The following DNAH2 variants were observed in gnomAD, a reference collection of about 807,000 sequenced individuals.
DNAH2 encodes axonemal beta dynein heavy chain 2.
A neutral mutation model predicts 523.5 loss-of-function variants in DNAH2; 323 were observed. The ratio of observed to expected loss-of-function variants is 0.62; its 90% CI spans 0.56 to 0.68. The LOEUF is 0.68. DNAH2 is among the 30% of genes least tolerant of loss of function. The probability of loss-of-function intolerance (pLI) is 0.00; values close to 1 mark genes in which losing one functional copy is unlikely to be tolerated. For missense variants in DNAH2, 4,907 were observed against 5,701.5 expected, an observed-to-expected ratio of 0.86 and a Z score of 4.49; for synonymous variants, 2,093 against 2,177.4, an observed-to-expected ratio of 0.96 and a Z score of 1.08.
At chr17:7,792,508 G>A in intron 46 of DNAH2, 149 bp from the exon 47 acceptor site, 2 of 965,442 alleles carry the variant, frequency 2.1e-6, no homozygotes, top group Non-Finnish European at 3.1e-6. Context: ...GAGGGCTTGG[G>A]ACAGGGTCTC....
Position 7,759,798 on chromosome 17 carries a change from T to TC in DNAH2, c.2646dup (p.Ser883LeufsTer13). 6.2e-7 allele frequency: 1 copy of TC among 1,614,150 alleles called. No homozygotes were observed. On this transcript the variant is annotated frameshift_variant, in exon 17 of 86. Transcript: ENST00000572933. LOFTEE classifies it high-confidence loss of function. ...CCACTGGGTTCCTCACAGGTGGAAT[T>TC]CTCACCCACTCTGCAGACTTTGGCA... is the stretch of plus-strand genomic sequence containing the variant.
chr17:7,801,727 C>A lies in DNAH2; in HGVS notation c.8832+17C>A. On this transcript the variant is annotated intron_variant, in intron 57 of 85. Transcript: ENST00000572933. ...CAGGAGAATGTGAGCCCCTCCTCCC[C>A]ACCTCTCATTGCATCCCTGGCCTCC... 1 of 1,613,722 alleles carries A rather than the reference C, an allele frequency of 6.2e-7. No homozygotes were observed. The highest frequency in any genetic ancestry group is 8.5e-7 in the Non-Finnish European group (1 of 1,179,906).
In DNAH2 at chr17:7,786,434, G is replaced by C. The variant is rs533791989; in HGVS notation, c.6348+92G>C. The C allele has an allele frequency of 6.7e-7, 1 of 1,500,720 alleles. No individual in the cohort carries two copies. Among genetic ancestry groups the C allele is most frequent in the African/African-American group, 1.4e-5 (1 of 72,866 alleles). 93.0% of individuals were successfully genotyped at this position (1,500,720 alleles called of 1,614,324 possible). A position where few individuals can be genotyped will look rare whatever the true frequency, so the allele number is the denominator to read the frequency against. The stretch of plus-strand genomic sequence containing the variant: ...GGGCCAGGGAGGACCTTGCAAGGCC[G>C]GGAGAGCTGTACCTGGGACCATGGT... On this transcript the variant is annotated intron_variant, in intron 40 of 85. Coordinates refer to ENST00000572933, the MANE Select transcript of DNAH2 (RefSeq NM_020877.5). This position sits in a 1 kb window ranked among gnomAD's most constrained non-coding sequence, Gnocchi z 7.5.
chr17:7,768,556 G>A (rs1248579573), intron 24 of DNAH2, among the ~76,000 whole-genome samples: 2 of 152,130 alleles, frequency 1.3e-5, no homozygotes, highest in East Asian at 1.9e-4. Context: ...TTTTTGTAGT[G>A]AGAGTACTGA....
At chr17:7,774,211 C>T (rs148491182) in intron 28 of DNAH2, among the ~76,000 whole-genome samples, 423 of 152,292 alleles carry the variant, frequency 2.8e-3, no homozygotes, top group African/African-American at 8.9e-3. Context: ...GTCACTTGAA[C>T]ACAGGCACTG....
chr17:7,731,122 A>G (rs1359654550), intron 4 of DNAH2, among the ~76,000 whole-genome samples: 4 of 137,614 alleles, frequency 2.9e-5, no homozygotes, highest in African/African-American at 5.6e-5. Context: ...TGTCTCAGAT[A>G]AATAAATAAA....
At position 7,798,383 on chromosome 17, in the gene DNAH2, T is replaced by C; in HGVS notation, c.8398+59T>C. 6.4e-7 allele frequency: 1 copy of C among 1,561,160 alleles called. No individual in the cohort carries two copies. Among genetic ancestry groups the C allele is most frequent in the Non-Finnish European group, 8.7e-7 (1 of 1,151,828 alleles). ...AGATCAGATGCATACATTCCTGCAGTGACAAGAGAGGAGAGATGGCAGCCA... is the reference window on the plus strand; with the variant it reads ...AGATCAGATGCATACATTCCTGCAGCGACAAGAGAGGAGAGATGGCAGCCA... On this transcript the variant is annotated intron_variant, in intron 54 of 85. Coordinates refer to ENST00000572933, the MANE Select transcript of DNAH2 (RefSeq NM_020877.5). The surrounding 1 kb of genome is among the most constrained non-coding windows in gnomAD (Gnocchi z 5.5).
rs766750839 is a variant in DNAH2, at chr17:7,819,197, C to T, written c.10816-12C>T. 3.1e-6 allele frequency: 5 copies of T among 1,612,820 alleles called. No homozygotes were observed. The South Asian group carries it at 3.3e-5, about 11-fold the overall frequency. On this transcript the variant is annotated splice_polypyrimidine_tract_variant and intron_variant, in intron 71 of 85. Transcript: ENST00000572933. The stretch of plus-strand genomic sequence containing the variant: ...CCTCAGTGGCCCTGACTCCACCCAT[C>T]CCCACCGGCAGGCTTACCGCCCATG...
At chr17:7,779,126 C>G in intron 35 of DNAH2, 117 bp from the exon 36 acceptor site, 2 of 1,226,982 alleles carry the variant, frequency 1.6e-6, no homozygotes, top group Non-Finnish European at 2.3e-6. Flanking sequence ...CCTCCCTGCC[C>G]CCTAGTCTGG....
Position 7,818,188 on chromosome 17 carries a change from T to C in DNAH2, c.10387+92T>C, listed in dbSNP as rs540261018. ...TGTCCTCTTCTTACCTGTCCCTCCA[T>C]TCAGACAGCCCTGGCCTGGGGCCTT... On this transcript the variant is annotated intron_variant, in intron 68 of 85. Coordinates refer to ENST00000572933, the MANE Select transcript of DNAH2 (RefSeq NM_020877.5). 1.3e-6 allele frequency: 2 copies of C among 1,596,900 alleles called. 1 individual carries two copies. The highest frequency in any genetic ancestry group is 3.4e-5 in the Admixed American group (2 of 59,472).
chr17:7,781,302 C>T, intron 39 of DNAH2, 135 bp downstream of exon 39: 1 of 1,005,328 alleles, frequency 9.9e-7, no homozygotes, highest in South Asian at 1.4e-5. Context: ...TGGTGAAACC[C>T]TGTATCTACA....
intron 12 of DNAH2, among the ~76,000 whole-genome samples, chr17:7,752,462 G>A (rs2075713656): frequency 3.9e-5 from 6 of 152,148 alleles, no homozygotes; most frequent in Admixed American, 3.9e-4. Context: ...TGTAATCCCA[G>A]CACTTTGGGA....
intron 13 of DNAH2, among the ~76,000 whole-genome samples, chr17:7,757,837 G>T (rs2075887389): frequency 6.6e-6 from 1 of 152,216 alleles, no homozygotes; most frequent in Non-Finnish European, 1.5e-5. Flanking sequence ...CTATCTTCTT[G>T]CTCTGTCCTC....
At chr17:7,744,271 G>T (rs1320199364) in intron 12 of DNAH2, among the ~76,000 whole-genome samples, 1 of 147,304 alleles carries the variant, frequency 6.8e-6, no homozygotes, top group East Asian at 2.0e-4. Context: ...TCCAGCCTGG[G>T]CGACAGAGTG....
At position 7,807,646 on chromosome 17, in the gene DNAH2, A is replaced by C. The variant is rs559427372; in HGVS notation, c.9729+60A>C. 2.0e-4 allele frequency: 284 copies of C among 1,452,838 alleles called. No individual in the cohort carries two copies. The African/African-American group carries it at 3.0e-3, about 15-fold the overall frequency. 90.0% of individuals were successfully genotyped at this position (1,452,838 alleles called of 1,614,324 possible). On this transcript the variant is annotated intron_variant, in intron 63 of 85. Transcript: ENST00000572933. The surrounding 1 kb of genome is among the most constrained non-coding windows in gnomAD (Gnocchi z 5.6). ...CTCTCCCTGAGTTCTGGATTGCTTC[A>C]TTAAGCATTTGTTTTCCCCCATCTA...
Position 7,804,289 on chromosome 17 carries a change from C to A in DNAH2, c.9006C>A (p.Ala3002=). The change falls in exon 59 of 86, where the codon GCC becomes GCA. Residue 3002 remains alanine (A), a synonymous_variant. Transcript: ENST00000572933. ...LLGEKRQELL[A]QANKLRTGLF... is the part of the protein sequence containing the mutation. ...GAGAAAAACGGCAGGAGCTGCTGGC[C>A]CAAGCCAATAAACTGCGGACAGGCT... is the stretch of plus-strand genomic sequence containing the variant. 6.2e-7 allele frequency: 1 copy of A among 1,614,126 alleles called. No individual in the cohort carries two copies. Among genetic ancestry groups the A allele is most frequent in the Non-Finnish European group, 8.5e-7 (1 of 1,180,020 alleles).
intron 63 of DNAH2, among the ~76,000 whole-genome samples, chr17:7,808,996 T>G (rs909108465): frequency 2.6e-5 from 4 of 152,246 alleles, no homozygotes; most frequent in Non-Finnish European, 4.4e-5. Context: ...TACCACTGCA[T>G]GATATTCCAG....
At position 7,719,838 on chromosome 17, in the gene DNAH2, A is replaced by T. The variant is rs759111427; in HGVS notation, c.104A>T (p.Gln35Leu). The T allele has an allele frequency of 6.2e-7, 1 of 1,609,190 alleles. No individual in the cohort carries two copies. The highest frequency in any genetic ancestry group is 8.5e-7 in the Non-Finnish European group (1 of 1,177,578). ...CGGGCTGCTGTGGCCACACAGGAGC[A>T]GGGGAATGCCCCGGCTGTCAGTGAG... ...ATRAAVATQE[Q>L]GNAPAVSEPE... The change falls in exon 2 of 86, where the codon CAG (glutamine) becomes CTG (leucine). Residue 35 changes from glutamine to leucine, a missense_variant. Transcript: ENST00000572933.
rs1043510204 is a variant in DNAH2, at chr17:7,832,542, G to A, written c.12727-37G>A. 3.1e-6 allele frequency: 5 copies of A among 1,600,188 alleles called. No individual in the cohort carries two copies. The highest frequency in any genetic ancestry group is 2.6e-6 in the Non-Finnish European group (3 of 1,172,522). On this transcript the variant is annotated intron_variant, in intron 82 of 85. Transcript: ENST00000572933. The surrounding 1 kb of genome is among the most constrained non-coding windows in gnomAD (Gnocchi z 4.3). ...ATAAATAATACGGATTTGAATGCAC[G>A]GCTAAATGAGTGAATACACACGCAC...
Sources: gnomAD v4.1 joint callset for allele counts (sites outside exome capture counted in the v4.1 genomes callset) on GRCh38, gnomAD v4.1.1 for gene constraint, Gnocchi (gnomAD v3.1) non-coding constraint, MANE v1.5 for transcripts, NCBI Gene and HGNC (gene_info 2026-07-23, HGNC 2026-07-21) for gene names.